The following RORA variants were observed in gnomAD, a reference collection of about 807,000 sequenced individuals.
RORA encodes RAR related orphan receptor A.
A neutral mutation model predicts 69.5 loss-of-function variants in RORA; 7 were observed. The ratio of observed to expected loss-of-function variants is 0.10; its 90% CI spans 0.06 to 0.19. RORA has a LOEUF of 0.19. Ranked by LOEUF, RORA falls within the 10% of genes least tolerant of loss-of-function variation. The probability of loss-of-function intolerance (pLI) is 1.00; values close to 1 mark genes in which losing one functional copy is unlikely to be tolerated. For synonymous variants in RORA, 261 were observed against 240.8 expected (o/e 1.08, Z -0.78); for missense variants, 457 against 663.0 (o/e 0.69, Z 3.41).
Position 60,989,527 on chromosome 15 carries a change from A to G in RORA, c.166+239526T>C, listed in dbSNP as rs28455563. On this transcript the variant is annotated intron_variant, in intron 1 of 10. Transcript: ENST00000335670. ...TATTATGAATAATGCTGCTCTAAAT[A>G]TTCAAATTTCTGTGTGAATATATGT... 3.3e-3 allele frequency among the ~76,000 whole-genome samples: 497 copies of G among 152,296 alleles called. 5 individuals are homozygous for G. The highest frequency in any genetic ancestry group is 0.011 in the African/African-American group (463 of 41,546).
At chr15:61,105,280 G>A (rs1209318436) in intron 1 of RORA, among the ~76,000 whole-genome samples, 3 of 152,074 alleles carry the variant, frequency 2.0e-5, no homozygotes, top group Non-Finnish European at 4.4e-5. Context: ...AGGTCTGTTT[G>A]CCCACTAGAA....
At chr15:61,149,211 T>C (rs146667686) in intron 1 of RORA, among the ~76,000 whole-genome samples, 304 of 152,268 alleles carry the variant, frequency 2.0e-3, no homozygotes, top group African/African-American at 7.1e-3. Flanking sequence ...CCCAGACCTA[T>C]TGTGATTGTT....
chr15:61,043,205 C>T (rs1046765930), intron 1 of RORA, among the ~76,000 whole-genome samples: 5 of 152,100 alleles, frequency 3.3e-5, no homozygotes, highest in Non-Finnish European at 7.4e-5. Context: ...ACATTCTGCC[C>T]CACGTCCAAT....
intron 2 of RORA, among the ~76,000 whole-genome samples, chr15:60,565,989 G>A (rs2067701903): frequency 6.6e-6 from 1 of 152,132 alleles, no homozygotes; most frequent in African/African-American, 2.4e-5. Context: ...GTAATATAAT[G>A]CAAAGTTAAT....
At position 60,737,780 on chromosome 15, in the gene RORA, A is replaced by C. The variant is rs541475379; in HGVS notation, c.167-59094T>G. ...CTGGAGAGGATGGGATACAATTTTC[A>C]CAGGCCACTGGGCTCCTGGAAGCTC... is the stretch of plus-strand genomic sequence containing the variant. On this transcript the variant is annotated intron_variant, in intron 1 of 10. Transcript: ENST00000335670. 2.0e-5 allele frequency among the ~76,000 whole-genome samples: 3 copies of C among 152,298 alleles called. No homozygotes were observed. The South Asian group carries it at 6.2e-4, about 32-fold the overall frequency.
intron 2 of RORA, among the ~76,000 whole-genome samples, chr15:60,670,968 G>A (rs982042890): frequency 2.0e-5 from 3 of 151,638 alleles, no homozygotes; most frequent in Non-Finnish European, 4.4e-5. Flanking sequence ...AATAAAAAGA[G>A]AAGCTGATAT....
chr15:61,145,853 G>C (rs976666542), intron 1 of RORA, among the ~76,000 whole-genome samples: 4 of 152,094 alleles, frequency 2.6e-5, no homozygotes, highest in Non-Finnish European at 2.9e-5. Flanking sequence ...TAAACTCCAG[G>C]CTATATACTG....
At chr15:60,897,444 G>A (rs1891260462) in intron 1 of RORA, among the ~76,000 whole-genome samples, 1 of 152,212 alleles carries the variant, frequency 6.6e-6, no homozygotes, top group Admixed American at 6.5e-5. Flanking sequence ...GAAGAGGGGT[G>A]TAAATACGAG....
At chr15:60,779,800 C>A (rs1373641239) in intron 1 of RORA, among the ~76,000 whole-genome samples, 1 of 152,184 alleles carries the variant, frequency 6.6e-6, no homozygotes, top group Non-Finnish European at 1.5e-5. Context: ...CACTGATATT[C>A]TTTCCATTGA....
intron 1 of RORA, among the ~76,000 whole-genome samples, chr15:60,733,684 AT>A (rs1339844263): frequency 6.6e-6 from 1 of 152,134 alleles, no homozygotes; most frequent in African/African-American, 2.4e-5. Flanking sequence ...GGAAGGCAAA[AT>A]TTGACTGGAA....
chr15:60,815,296 G>A (rs186983357), intron 1 of RORA, among the ~76,000 whole-genome samples: 1 of 152,206 alleles, frequency 6.6e-6, no homozygotes, highest in East Asian at 1.9e-4. Context: ...CTGTATTAGA[G>A]GCCTTCTGGA....
At chr15:60,565,071 C>G (rs1244319108) in intron 2 of RORA, among the ~76,000 whole-genome samples, 1 of 152,098 alleles carries the variant, frequency 6.6e-6, no homozygotes, top group Admixed American at 6.5e-5. Context: ...AGTCGTCCAT[C>G]AGAGCTTTGA....
At chr15:60,774,862 T>G (rs1039044665) in intron 1 of RORA, among the ~76,000 whole-genome samples, 1 of 152,248 alleles carries the variant, frequency 6.6e-6, no homozygotes, top group Non-Finnish European at 1.5e-5. Flanking sequence ...TAGATTCTAT[T>G]ACAAAACAAC....
intron 1 of RORA, among the ~76,000 whole-genome samples, chr15:60,779,741 A>G (rs2072227009): frequency 6.6e-6 from 1 of 152,214 alleles, no homozygotes; most frequent in Admixed American, 6.5e-5. Flanking sequence ...GCTTCCAACA[A>G]ACTTAACATG....
In RORA at chr15:61,071,014, G is replaced by A. The variant is rs538619240; in HGVS notation, c.166+158039C>T. Among the ~76,000 whole-genome samples, 7 of 151,362 alleles carry A rather than the reference G, an allele frequency of 4.6e-5. No individual in the cohort carries two copies. The South Asian group carries it at 8.4e-4, about 18-fold the overall frequency. ...GTAAATACCCCATTAGTAATCTAAC[G>A]GACTCCTCTGCTGAAAAGCCATAGT... is the stretch of plus-strand genomic sequence containing the variant. On this transcript the variant is annotated intron_variant, in intron 1 of 10. Coordinates refer to ENST00000335670, the MANE Select transcript of RORA (RefSeq NM_134261.3).
chr15:61,073,302 A>ACTCCTGTTTTATTTAAAACTCCG lies in RORA; in HGVS notation c.166+155728_166+155750dup, dbSNP rs1490355482. On this transcript the variant is annotated intron_variant, in intron 1 of 10. Coordinates refer to ENST00000335670, the MANE Select transcript of RORA (RefSeq NM_134261.3). ...ATTTGTCACAACAAGCTTCCTTACC[A>ACTCCTGTTTTATTTAAAACTCCG]CTCCTGTTTTATTTAAAACTCCGCT... Among the ~76,000 whole-genome samples the ACTCCTGTTTTATTTAAAACTCCG allele has an allele frequency of 4.6e-5, 7 of 151,916 alleles. No homozygotes were observed. The South Asian group carries it at 1.5e-3, about 32-fold the overall frequency.
At chr15:60,885,357 A>C (rs2073739420) in intron 1 of RORA, among the ~76,000 whole-genome samples, 1 of 152,242 alleles carries the variant, frequency 6.6e-6, no homozygotes, top group Non-Finnish European at 1.5e-5. Context: ...TATCCCCGCC[A>C]GGTTACCAGA....
chr15:60,542,051 T>C (rs1266888277), intron 2 of RORA, among the ~76,000 whole-genome samples: 3 of 152,230 alleles, frequency 2.0e-5, no homozygotes, highest in Non-Finnish European at 4.4e-5. Context: ...TTAAGATAGC[T>C]TGAGTGAGTG....
At chr15:60,882,911 G>T (rs2073701403) in intron 1 of RORA, among the ~76,000 whole-genome samples, 1 of 151,726 alleles carries the variant, frequency 6.6e-6, no homozygotes, top group African/African-American at 2.4e-5. Context: ...ATCACCTGAG[G>T]GTATGGGTTA....
Sources: gnomAD v4.1 joint callset for allele counts (sites outside exome capture counted in the v4.1 genomes callset) on GRCh38, gnomAD v4.1.1 for gene constraint, MANE v1.5 for transcripts, NCBI Gene and HGNC (gene_info 2026-07-23, HGNC 2026-07-21) for gene names.